GSE1: variants seen among roughly 807,000 people sequenced by gnomAD.
The protein encoded by GSE1 is genetic suppressor element 1.
Under a neutral mutation model 112.6 loss-of-function variants are expected in GSE1, and 32 were observed. That is an observed-to-expected ratio of 0.28 (90% CI 0.21 to 0.38). The LOEUF (loss-of-function observed/expected upper bound fraction) is 0.38. Among genes scored for constraint, GSE1 ranks in the 10% least tolerant of loss-of-function variants. The pLI is 1.00. For missense variants in GSE1, 2,348 were observed against 1,699.2 expected (o/e 1.38, Z -6.71); for synonymous variants, 1,115 against 735.6 (o/e 1.52, Z -8.35).
At chr16:85,388,101 T>G (rs2047732586) in intron 2 of GSE1, among the ~76,000 whole-genome samples, 1 of 147,872 alleles carries the variant, frequency 6.8e-6, no homozygotes, top group Non-Finnish European at 1.5e-5. Context: ...GATGGATTGG[T>G]GAGTGGATGG....
intron 1 of GSE1, among the ~76,000 whole-genome samples, chr16:85,589,874 G>C (rs1014738858): frequency 1.3e-5 from 2 of 152,060 alleles, no homozygotes; most frequent in African/African-American, 4.8e-5. Context: ...ATGTGACAGA[G>C]ACATTGTGTG....
intron 2 of GSE1, chr16:85,359,563 G>A (rs1043666550): frequency 8.8e-5 from 32 of 363,936 alleles, no homozygotes; most frequent in Admixed American, 1.7e-4. Flanking sequence ...TGGCAACCTC[G>A]TGAGCTGATG....
intron 1 of GSE1, among the ~76,000 whole-genome samples, chr16:85,262,839 A>G (rs1907844935): frequency 6.6e-6 from 1 of 152,210 alleles, no homozygotes; most frequent in Admixed American, 6.5e-5. Flanking sequence ...TGGGAGCTGA[A>G]AAGAACTCGG....
At position 85,472,658 on chromosome 16, in the gene GSE1, C is replaced by T. The variant is rs2050331275; in HGVS notation, c.2464+115015C>T. On this transcript the variant is annotated intron_variant, in intron 2 of 2. Transcript: ENST00000637419. ...CGGCTCAGGACCCGGTCTGGCCTCC[C>T]CCTGTTGGAGCCCCAGGCCTTGCTC... 4.6e-5 allele frequency among the ~76,000 whole-genome samples: 7 copies of T among 152,372 alleles called. 1 individual carries two copies. In the South Asian group the frequency reaches 1.4e-3, roughly 32 times the overall value.
rs2152032809 is a variant in GSE1, at chr16:85,672,579, T to C, written c.*40T>C. 1.4e-6 allele frequency: 2 copies of C among 1,403,974 alleles called. No individual in the cohort carries two copies. The highest frequency in any genetic ancestry group is 1.4e-5 in the African/African-American group (1 of 69,206). 87.0% of individuals were successfully genotyped at this position (1,403,974 alleles called of 1,614,324 possible). On this transcript the variant is annotated 3_prime_UTR_variant, in exon 16 of 16. Coordinates refer to ENST00000253458, the MANE Select transcript of GSE1 (RefSeq NM_014615.5). ...CTAGGCCGAACCTATAGTATAGAAATATTATCTATTTTATTACCTTGAATA... is the reference window on the plus strand; with the variant it reads ...CTAGGCCGAACCTATAGTATAGAAACATTATCTATTTTATTACCTTGAATA...
intron 2 of GSE1, among the ~76,000 whole-genome samples, chr16:85,483,016 G>A (rs1390079060): frequency 6.7e-6 from 1 of 149,836 alleles, no homozygotes; most frequent in Non-Finnish European, 1.5e-5. Flanking sequence ...TCTCTGTGTA[G>A]CAGTGCGACG....
intron 2 of GSE1, chr16:85,357,691 G>A: frequency 1.2e-5 from 15 of 1,213,892 alleles, no homozygotes; most frequent in Non-Finnish European, 1.6e-5. Flanking sequence ...CTGGGATGCG[G>A]TTGTCCCAGC....
At chr16:85,179,385 C>T (rs954104815) in intron 1 of GSE1, among the ~76,000 whole-genome samples, 1 of 152,218 alleles carries the variant, frequency 6.6e-6, no homozygotes, top group African/African-American at 2.4e-5. Context: ...GGACCACGTT[C>T]TGTGTCCCCA....
chr16:85,293,254 G>A (rs1597313589), intron 1 of GSE1, among the ~76,000 whole-genome samples: 2 of 152,294 alleles, frequency 1.3e-5, no homozygotes, highest in African/African-American at 4.8e-5. Context: ...CACCACAAAA[G>A]TGGTGGCTTG....
At chr16:85,462,566 C>T (rs758713195) in intron 2 of GSE1, among the ~76,000 whole-genome samples, 5 of 151,504 alleles carry the variant, frequency 3.3e-5, no homozygotes, top group Admixed American at 6.6e-5. Context: ...TGAACTGTCA[C>T]GGCGGAGCCT....
chr16:85,268,780 C>T (rs970732417), intron 1 of GSE1, among the ~76,000 whole-genome samples: 21 of 152,164 alleles, frequency 1.4e-4, no homozygotes, highest in African/African-American at 4.8e-4. Flanking sequence ...CCTCTGTGCC[C>T]AGCCTCCTGG....
At chr16:85,443,645 G>A (rs948068362) in intron 2 of GSE1, among the ~76,000 whole-genome samples, 4 of 152,244 alleles carry the variant, frequency 2.6e-5, no homozygotes, top group African/African-American at 7.2e-5. Flanking sequence ...CGAGTGCAGC[G>A]GGGAACCGAG....
At chr16:85,427,421 C>T (rs2049018935) in intron 2 of GSE1, among the ~76,000 whole-genome samples, 1 of 152,198 alleles carries the variant, frequency 6.6e-6, no homozygotes, top group Admixed American at 6.5e-5. Flanking sequence ...GTGGGTGGAG[C>T]ACCTGAGACC....
At chr16:85,427,468 C>T (rs954533299) in intron 2 of GSE1, among the ~76,000 whole-genome samples, 1 of 152,164 alleles carries the variant, frequency 6.6e-6, no homozygotes, top group African/African-American at 2.4e-5. Context: ...ATGGTGAAAC[C>T]CCGTCTCTAG....
At chr16:85,672,124 G>A (rs779391562) in intron 15 of GSE1, 13 of 350,388 alleles carry the variant, frequency 3.7e-5, no homozygotes, top group East Asian at 1.5e-4. Context: ...TCAGCCTCCC[G>A]AGTAGCTAGG....
At chr16:85,491,627 A>G (rs2051013354) in intron 2 of GSE1, among the ~76,000 whole-genome samples, 1 of 152,090 alleles carries the variant, frequency 6.6e-6, no homozygotes, top group African/African-American at 2.4e-5. Context: ...AGGCGGGGTC[A>G]TGGCCCGCCT....
chr16:85,548,963 T>C lies in GSE1; in HGVS notation c.2465-84951T>C, dbSNP rs550579382. Among the ~76,000 whole-genome samples, 311 of 152,236 alleles carry C rather than the reference T, an allele frequency of 2.0e-3. 1 individual carries two copies. Among genetic ancestry groups the C allele is most frequent in the African/African-American group, 7.2e-3 (299 of 41,544 alleles). On this transcript the variant is annotated intron_variant, in intron 2 of 2. Coordinates refer to the GSE1 transcript ENST00000637419. ...CGCCACCACGTCCAGCTAATTTTTA[T>C]ATTTTTAGTAGAGACGGGGTTTCAC...
chr16:85,367,500 C>T (rs553871757), intron 2 of GSE1, among the ~76,000 whole-genome samples: 17 of 152,230 alleles, frequency 1.1e-4, no homozygotes, highest in African/African-American at 3.4e-4. Context: ...GGAGTGATGC[C>T]GGGTGGTGAG....
intron 2 of GSE1, among the ~76,000 whole-genome samples, chr16:85,635,106 G>C (rs2049878293): frequency 6.6e-6 from 1 of 152,184 alleles, no homozygotes; most frequent in Non-Finnish European, 1.5e-5. Flanking sequence ...TTCCAGCTTG[G>C]CAGAGGGGAC....
Sources: gnomAD v4.1 joint callset for allele counts (sites outside exome capture counted in the v4.1 genomes callset) on GRCh38, gnomAD v4.1.1 for gene constraint, MANE v1.5 for transcripts, NCBI Gene and HGNC (gene_info 2026-07-23, HGNC 2026-07-21) for gene names.